The following LDB2 variants were observed in gnomAD, a reference collection of about 807,000 sequenced individuals.
The protein encoded by LDB2 is LIM domain binding 2, also known as LIM domain-binding protein 2.
A neutral mutation model predicts 44.3 loss-of-function variants in LDB2; 12 were observed. The ratio of observed to expected loss-of-function variants is 0.27; its 90% CI spans 0.17 to 0.44. The LOEUF (loss-of-function observed/expected upper bound fraction) is 0.44. Ranked by LOEUF, LDB2 falls within the 20% of genes least tolerant of loss-of-function variation. The pLI is 1.00. For synonymous variants in LDB2, 164 were observed against 174.8 expected (o/e 0.94, Z 0.49); for missense variants, 344 against 473.5 (o/e 0.73, Z 2.54).
intron 1 of LDB2, among the ~76,000 whole-genome samples, chr4:16,870,436 C>T (rs145758281): frequency 2.4e-5 from 3 of 126,706 alleles, no homozygotes; most frequent in African/African-American, 9.1e-5. Flanking sequence ...AGGGGCTCTG[C>T]AATCCTGCTG....
rs369605265 is a variant in LDB2, at chr4:16,681,733, G to T, written c.235+77425C>A. Among the ~76,000 whole-genome samples, 3 of 148,400 alleles carry T rather than the reference G, an allele frequency of 2.0e-5. No individual in the cohort carries two copies. The South Asian group carries it at 6.4e-4, about 31-fold the overall frequency. Reference sequence around the variant, plus strand: ...CTACAGACTCCCGCCACGAGGCCTGGCTCATTTTTTTGTATTTTTAGTAGA... The same window carrying T: ...CTACAGACTCCCGCCACGAGGCCTGTCTCATTTTTTTGTATTTTTAGTAGA... On this transcript the variant is annotated intron_variant, in intron 2 of 7. Transcript: ENST00000304523.
chr4:16,521,900 G>A (rs111498072), intron 5 of LDB2, among the ~76,000 whole-genome samples: 46 of 152,264 alleles, frequency 3.0e-4, no homozygotes, highest in African/African-American at 1.1e-3. Context: ...TAGACAATAT[G>A]TGCAAGATGA....
chr4:16,614,055 T>C (rs1726438054), intron 2 of LDB2, among the ~76,000 whole-genome samples: 1 of 152,020 alleles, frequency 6.6e-6, no homozygotes, highest in Admixed American at 6.6e-5. Flanking sequence ...GCATGATACT[T>C]GTACCAAAAC....
At chr4:16,847,414 T>C (rs1787250510) in intron 1 of LDB2, among the ~76,000 whole-genome samples, 1 of 152,230 alleles carries the variant, frequency 6.6e-6, no homozygotes, top group Admixed American at 6.5e-5. Flanking sequence ...CAAACTCTTA[T>C]TTTGTGACAC....
intron 2 of LDB2, among the ~76,000 whole-genome samples, chr4:16,695,060 T>C (rs1251101134): frequency 6.6e-6 from 1 of 152,186 alleles, no homozygotes; most frequent in Non-Finnish European, 1.5e-5. Flanking sequence ...AAGTTGCATT[T>C]CACAGATTCC....
chr4:16,815,244 A>G (rs180746058), intron 1 of LDB2, among the ~76,000 whole-genome samples: 2 of 152,252 alleles, frequency 1.3e-5, no homozygotes, highest in African/African-American at 4.8e-5. Flanking sequence ...TACTGTGTTG[A>G]TCACAATTTT....
intron 2 of LDB2, among the ~76,000 whole-genome samples, chr4:16,597,420 T>G (rs1236908020): frequency 6.6e-6 from 1 of 152,182 alleles, no homozygotes; most frequent in Non-Finnish European, 1.5e-5. Flanking sequence ...AAAATTCAAA[T>G]GAGAGTAATT....
At chr4:16,701,242 A>G (rs913352988) in intron 2 of LDB2, among the ~76,000 whole-genome samples, 3 of 152,232 alleles carry the variant, frequency 2.0e-5, no homozygotes, top group East Asian at 3.8e-4. Context: ...CATAACAAAG[A>G]TATCAGTGCT....
chr4:16,717,364 T>C (rs1400213838), intron 2 of LDB2, among the ~76,000 whole-genome samples: 1 of 152,076 alleles, frequency 6.6e-6, no homozygotes, highest in Non-Finnish European at 1.5e-5. Context: ...ACTGGATTGT[T>C]ACTTTGAATA....
At chr4:16,723,331 C>T (rs1048846012) in intron 2 of LDB2, among the ~76,000 whole-genome samples, 6 of 152,040 alleles carry the variant, frequency 3.9e-5, no homozygotes, top group East Asian at 1.9e-4. Context: ...CATCCCATGG[C>T]GGAAGATGGA....
rs534089922 is a variant in LDB2 at position 16,733,787 on chromosome 4, A to G, written c.235+25371T>C. 2.6e-5 allele frequency among the ~76,000 whole-genome samples: 4 copies of G among 152,318 alleles called. No homozygotes were observed. In the East Asian group the frequency reaches 7.7e-4, roughly 29 times the overall value. On this transcript the variant is annotated intron_variant, in intron 2 of 7. Transcript: ENST00000304523. ...CGCCTTTCCCTGTCTCAACGACTGT[A>G]CACAAACCACCCTAGTCATCAAGGC... is the stretch of plus-strand genomic sequence containing the variant.
chr4:16,887,220 GAAA>G (rs77393745), intron 1 of LDB2, among the ~76,000 whole-genome samples: 2 of 128,642 alleles, frequency 1.6e-5, no homozygotes, highest in African/African-American at 5.6e-5. Context: ...GCTAAGACTT[GAAA>G]AAAAAAAAAA....
At chr4:16,895,659 T>C (rs1724787749) in intron 1 of LDB2, among the ~76,000 whole-genome samples, 1 of 151,646 alleles carries the variant, frequency 6.6e-6, no homozygotes, top group Non-Finnish European at 1.5e-5. Context: ...GATGGGTGAG[T>C]CAGTCTTGCC....
intron 5 of LDB2, among the ~76,000 whole-genome samples, chr4:16,574,274 TAAC>T (rs1747601751): frequency 1.3e-5 from 2 of 152,132 alleles, no homozygotes; most frequent in South Asian, 4.1e-4. Context: ...TACTTAACAA[TAAC>T]AACAACAAAT....
chr4:16,682,781 C>A, intron 2 of LDB2, among the ~76,000 whole-genome samples: 1 of 152,204 alleles, frequency 6.6e-6, no homozygotes, highest in East Asian at 1.9e-4. Flanking sequence ...AGTCCTCCAA[C>A]CAAAGGTAAC....
intron 2 of LDB2, among the ~76,000 whole-genome samples, chr4:16,742,074 C>CTT (rs33990510): frequency 1.6e-3 from 200 of 128,302 alleles, no homozygotes; most frequent in African/African-American, 5.2e-3. Context: ...CTTTTCTTTT[C>CTT]TTTTTTTTTT....
chr4:16,815,609 T>C (rs1780750886), intron 1 of LDB2, among the ~76,000 whole-genome samples: 2 of 152,154 alleles, frequency 1.3e-5, no homozygotes, highest in Admixed American at 1.3e-4. Flanking sequence ...TTTCCACCTC[T>C]CCTCTTCCTA....
chr4:16,641,077 A>G (rs74498950), intron 2 of LDB2, among the ~76,000 whole-genome samples: 2,251 of 152,322 alleles, frequency 0.015, 26 homozygotes, highest in Admixed American at 0.024. Flanking sequence ...GGAGATGGAC[A>G]TAGATGGAAA....
chr4:16,815,876 T>C (rs1780792580), intron 1 of LDB2, among the ~76,000 whole-genome samples: 1 of 152,152 alleles, frequency 6.6e-6, no homozygotes, highest in Non-Finnish European at 1.5e-5. Context: ...AGGAAATAAA[T>C]AAACAAATGA....
Sources: allele counts gnomAD v4.1 joint callset (sites outside exome capture counted in the v4.1 genomes callset), GRCh38; gene constraint gnomAD v4.1.1; transcripts MANE v1.5; gene names NCBI Gene and HGNC (gene_info 2026-07-23, HGNC 2026-07-21).